Variants in NCOA3 observed in about 807,000 individuals in gnomAD.
NCOA3 encodes CBP-interacting protein.
NCOA3 carries 51 observed loss-of-function variants against 158.8 expected under a neutral mutation model. The ratio of observed to expected loss-of-function variants is 0.32; its 90% CI spans 0.26 to 0.41. The LOEUF (loss-of-function observed/expected upper bound fraction) is 0.41, where lower values mean the gene tolerates loss of function less well. NCOA3 is among the 10% of genes least tolerant of loss of function. The pLI is 1.00. For missense variants in NCOA3, 1,510 were observed against 1,746.6 expected, an observed-to-expected ratio of 0.86 and a Z score of 2.41; for synonymous variants, 537 against 592.4, an observed-to-expected ratio of 0.91 and a Z score of 1.36.
intron 1 of NCOA3, among the ~76,000 whole-genome samples, chr20:47,560,160 A>G (rs1280142920): frequency 6.6e-6 from 1 of 152,046 alleles, no homozygotes; most frequent in African/African-American, 2.4e-5. Flanking sequence ...GCTCACTGCA[A>G]CCTTTGTCTC....
intron 1 of NCOA3, among the ~76,000 whole-genome samples, chr20:47,556,793 C>G (rs1001921478): frequency 6.6e-6 from 1 of 152,132 alleles, no homozygotes; most frequent in Non-Finnish European, 1.5e-5. Flanking sequence ...ATTACAGTCT[C>G]AAAAGATGGT....
chr20:47,648,221 A>C (rs892925393), intron 18 of NCOA3, among the ~76,000 whole-genome samples: 2 of 151,892 alleles, frequency 1.3e-5, no homozygotes, highest in African/African-American at 4.8e-5. Flanking sequence ...CTGAGTTTGG[A>C]ATCCAAAGAG....
At chr20:47,584,020 C>T (rs1342034149) in intron 2 of NCOA3, among the ~76,000 whole-genome samples, 2 of 152,106 alleles carry the variant, frequency 1.3e-5, no homozygotes, top group African/African-American at 4.8e-5. Context: ...TGGTGGCTCA[C>T]TCATATGCTC....
chr20:47,535,215 C>T (rs141673981), intron 1 of NCOA3, among the ~76,000 whole-genome samples: 3 of 152,236 alleles, frequency 2.0e-5, no homozygotes, highest in African/African-American at 4.8e-5. Flanking sequence ...TTCCGTGCCT[C>T]GCTGCCCAAA....
chr20:47,622,462 T>C (rs2086257341), intron 3 of NCOA3, 132 bp downstream of exon 3: 1 of 552,572 alleles, frequency 1.8e-6, no homozygotes, highest in East Asian at 3.2e-5. Flanking sequence ...AGTAGAGTGT[T>C]ACTGATGAGA....
At chr20:47,644,031 T>C (rs1365032335) in intron 17 of NCOA3, among the ~76,000 whole-genome samples, 1 of 152,062 alleles carries the variant, frequency 6.6e-6, no homozygotes, top group Non-Finnish European at 1.5e-5. Context: ...TTCCCTTTGG[T>C]TTAGGGGTGT....
intron 1 of NCOA3, among the ~76,000 whole-genome samples, chr20:47,556,473 C>T (rs1427604051): frequency 1.3e-5 from 2 of 152,138 alleles, no homozygotes; most frequent in African/African-American, 4.8e-5. Flanking sequence ...TGGACTTTTT[C>T]AGTGAGAAGG....
rs1273225229 is a variant in NCOA3, at chr20:47,647,924, T to G, written c.3546+558T>G. ...TTGTTTGTTTGTTTTGTTTTGTTTTTTTTTTTTTGAGGTGGAGTCTTGCTC... is the reference window on the plus strand; with the variant it reads ...TTGTTTGTTTGTTTTGTTTTGTTTTGTTTTTTTTGAGGTGGAGTCTTGCTC... On this transcript the variant is annotated intron_variant, in intron 18 of 22. Coordinates refer to ENST00000371998, the MANE Select transcript of NCOA3 (RefSeq NM_181659.3). Among the ~76,000 whole-genome samples, 59 of 150,196 alleles carry G rather than the reference T, an allele frequency of 3.9e-4. 1 individual carries two copies. Among genetic ancestry groups the G allele is most frequent in the East Asian group, 9.7e-4 (5 of 5,178 alleles).
intron 2 of NCOA3, among the ~76,000 whole-genome samples, chr20:47,599,161 C>T (rs116740913): frequency 1.3e-5 from 2 of 152,256 alleles, no homozygotes; most frequent in South Asian, 4.1e-4. Context: ...CGTAATGTAT[C>T]CCTGTCATTA....
intron 18 of NCOA3, among the ~76,000 whole-genome samples, chr20:47,648,478 T>G (rs1461571606): frequency 1.3e-5 from 2 of 150,548 alleles, no homozygotes; most frequent in Non-Finnish European, 2.9e-5. Context: ...TATATAAAAT[T>G]TATTTATTTA....
At chr20:47,609,045 A>G (rs17726628) in intron 2 of NCOA3, among the ~76,000 whole-genome samples, 9,664 of 152,268 alleles carry the variant, frequency 0.063, 466 homozygotes, top group Middle Eastern at 0.17. Context: ...GTATAACATT[A>G]TAGGATATGT....
chr20:47,507,374 CT>C (rs2084045768), intron 1 of NCOA3, among the ~76,000 whole-genome samples: 2 of 152,066 alleles, frequency 1.3e-5, no homozygotes, highest in Non-Finnish European at 2.9e-5. Context: ...GCATGTTGAG[CT>C]GGGCAGTGGC....
intron 2 of NCOA3, among the ~76,000 whole-genome samples, chr20:47,617,404 C>T (rs148965635): frequency 6.6e-6 from 1 of 152,200 alleles, no homozygotes; most frequent in Non-Finnish European, 1.5e-5. Context: ...CAGGTAGTTA[C>T]TGTTCCATGT....
At chr20:47,615,403 C>A (rs2086115901) in intron 2 of NCOA3, among the ~76,000 whole-genome samples, 1 of 152,136 alleles carries the variant, frequency 6.6e-6, no homozygotes, top group South Asian at 2.1e-4. Flanking sequence ...TGATTGATAT[C>A]TTTTCCTTTT....
At chr20:47,509,756 T>A (rs942805715) in intron 1 of NCOA3, among the ~76,000 whole-genome samples, 5 of 152,124 alleles carry the variant, frequency 3.3e-5, no homozygotes, top group African/African-American at 9.7e-5. Context: ...ATTAAAAAAA[T>A]TTGGCAATTT....
chr20:47,505,545 A>T (rs1229943143), intron 1 of NCOA3, among the ~76,000 whole-genome samples: 1 of 152,156 alleles, frequency 6.6e-6, no homozygotes, highest in Non-Finnish European at 1.5e-5. Flanking sequence ...TAGAAAAAAA[A>T]CAAGACTTGT....
chr20:47,650,987 T>C lies in NCOA3; in HGVS notation c.3657T>C (p.Gly1219=), dbSNP rs1453690179. ...CACTCTTTCTTGGGTATTAGCAGGG[T>C]TTTCTTAATGCTCAAATGGTCGCCC... is the stretch of plus-strand genomic sequence containing the variant. ...MMQPQVSSQQ[G]FLNAQMVAQR... is the part of the protein sequence containing the mutation. The change falls in exon 20 of 23, where the codon GGT becomes GGC. Residue 1219 remains glycine, a synonymous_variant. Coordinates refer to ENST00000371998, the MANE Select transcript of NCOA3 (RefSeq NM_181659.3). The C allele has an allele frequency of 6.2e-7, 1 of 1,613,480 alleles. No homozygotes were observed.
chr20:47,541,001 T>G (rs2084718662), intron 1 of NCOA3, among the ~76,000 whole-genome samples: 1 of 152,234 alleles, frequency 6.6e-6, no homozygotes, highest in Admixed American at 6.5e-5. Flanking sequence ...TGTATCTTAA[T>G]TTTTTTAAAT....
At chr20:47,512,833 A>G (rs993787787) in intron 1 of NCOA3, among the ~76,000 whole-genome samples, 3 of 152,142 alleles carry the variant, frequency 2.0e-5, no homozygotes, top group Admixed American at 1.3e-4. Context: ...TGGTACAATC[A>G]CTTTGAGAAA....
Sources: allele counts gnomAD v4.1 joint callset (sites outside exome capture counted in the v4.1 genomes callset), GRCh38; gene constraint gnomAD v4.1.1; transcripts MANE v1.5; gene names NCBI Gene and HGNC (gene_info 2026-07-23, HGNC 2026-07-21).